Variants in NID1 observed in about 807,000 individuals in gnomAD.
NID1 encodes nidogen 1.
In NID1, 76 loss-of-function variants were observed where a neutral mutation model predicts 130.6. The ratio of observed to expected loss-of-function variants is 0.58; its 90% CI spans 0.48 to 0.70. The LOEUF is 0.70. Ranked by LOEUF, NID1 falls within the 30% of genes least tolerant of loss-of-function variation. The pLI is 0.00. For missense variants in NID1, 1,517 were observed against 1,664.8 expected, an observed-to-expected ratio of 0.91 and a Z score of 1.54; for synonymous variants, 665 against 675.1, an observed-to-expected ratio of 0.98 and a Z score of 0.23.
intron 14 of NID1, among the ~76,000 whole-genome samples, chr1:235,990,512 A>G (rs1340094373): frequency 6.6e-6 from 1 of 152,092 alleles, no homozygotes; most frequent in Non-Finnish European, 1.5e-5. Flanking sequence ...ATCAGATAAA[A>G]CCGAATGGCT....
intron 1 of NID1, among the ~76,000 whole-genome samples, chr1:236,049,303 C>T (rs1388530971): frequency 6.6e-6 from 1 of 152,032 alleles, no homozygotes; most frequent in Admixed American, 6.6e-5. Flanking sequence ...AAAGTGAGAT[C>T]CCATCTCTAC....
intron 1 of NID1, among the ~76,000 whole-genome samples, chr1:236,056,502 CTTCTT>C (rs1659901340): frequency 6.6e-6 from 1 of 152,188 alleles, no homozygotes; most frequent in Non-Finnish European, 1.5e-5. Flanking sequence ...CATTTCAAAT[CTTCTT>C]TTCTAACTAT....
At chr1:236,064,221 C>G (rs146518053) in intron 1 of NID1, among the ~76,000 whole-genome samples, 9 of 152,306 alleles carry the variant, frequency 5.9e-5, no homozygotes, top group Non-Finnish European at 1.0e-4. Flanking sequence ...TCCCGCTCCT[C>G]GTTTGGGGCC....
chr1:235,977,484 G>T lies in NID1; in HGVS notation c.*383C>A. 5.9e-6 allele frequency: 1 copy of T among 169,870 alleles called. No homozygotes were observed. The highest frequency in any genetic ancestry group is 2.4e-5 in the African/African-American group (1 of 42,094). 10.5% of individuals were successfully genotyped at this position (169,870 alleles called of 1,614,324 possible). ...GACAGGACGGTGGGTACCTCAAAGC[G>T]AGGCTGAGCTCATAAGGCCACAGGG... On this transcript the variant is annotated 3_prime_UTR_variant, in exon 20 of 20. Transcript: ENST00000264187.
At chr1:236,064,056 A>AC (rs1660120565) in intron 1 of NID1, among the ~76,000 whole-genome samples, 1 of 151,878 alleles carries the variant, frequency 6.6e-6, no homozygotes, top group Non-Finnish European at 1.5e-5. Context: ...CCCCCGGCCA[A>AC]CCCCCCACAC....
At position 236,042,123 on chromosome 1, in the gene NID1, C is replaced by T; in HGVS notation, c.922G>A (p.Val308Met). Reference sequence around the variant, plus strand: ...TTGTAGGAGAAGGGCGTGGTGCCCACATCCTCCAGGCCCAGACGAGTGGTC... The same window carrying T: ...TTGTAGGAGAAGGGCGTGGTGCCCATATCCTCCAGGCCCAGACGAGTGGTC... ...LATTRLGLEDVGTTPFSYKAL... is the reference protein window; with the variant it reads ...LATTRLGLEDMGTTPFSYKAL... The change falls in exon 4 of 20, where the codon GTG becomes ATG. Residue 308 changes from valine to methionine, a missense_variant. Coordinates refer to ENST00000264187, the MANE Select transcript of NID1 (RefSeq NM_002508.3). 1.2e-6 allele frequency: 2 copies of T among 1,614,204 alleles called. No homozygotes were observed. Among genetic ancestry groups the T allele is most frequent in the Non-Finnish European group, 1.7e-6 (2 of 1,180,038 alleles).
chr1:235,987,817 G>A (rs1187895746), intron 14 of NID1, among the ~76,000 whole-genome samples: 1 of 152,146 alleles, frequency 6.6e-6, no homozygotes, highest in East Asian at 1.9e-4. Flanking sequence ...TCAGGAGGAT[G>A]AGCACATACT....
chr1:236,031,780 C>G (rs1298767163), intron 6 of NID1, among the ~76,000 whole-genome samples: 1 of 152,192 alleles, frequency 6.6e-6, no homozygotes, highest in Non-Finnish European at 1.5e-5. Context: ...AAGGCCACCA[C>G]AACACCAAGG....
chr1:236,024,732 C>G (rs1163734568), intron 8 of NID1, among the ~76,000 whole-genome samples: 1 of 152,144 alleles, frequency 6.6e-6, no homozygotes, highest in African/African-American at 2.4e-5. Context: ...AGACCAGACT[C>G]CAATTACACA....
In NID1 at chr1:236,037,635, G is replaced by A. The variant is rs569035808; in HGVS notation, c.1285+469C>T. Among the ~76,000 whole-genome samples, 8 of 150,554 alleles carry A rather than the reference G, an allele frequency of 5.3e-5. No homozygotes were observed. In the South Asian group the frequency reaches 1.7e-3, roughly 32 times the overall value. The stretch of plus-strand genomic sequence containing the variant: ...GTCACACCACTGCACTCTAGCCTGG[G>A]TGACAGAGTAAGACTCTGTCTCAAG... On this transcript the variant is annotated intron_variant, in intron 5 of 19. Transcript: ENST00000264187.
At position 235,978,161 on chromosome 1, in the gene NID1, A is replaced by G. The variant is rs1412414684; in HGVS notation, c.3623-173T>C. Among the ~76,000 whole-genome samples, 5 of 152,292 alleles carry G rather than the reference A, an allele frequency of 3.3e-5. No individual in the cohort carries two copies. In the East Asian group the frequency reaches 9.6e-4, roughly 29 times the overall value. On this transcript the variant is annotated intron_variant, in intron 19 of 19. Coordinates refer to ENST00000264187, the MANE Select transcript of NID1 (RefSeq NM_002508.3). ...GCTAGGCAGTCAGCTGAGCTGATCCATTGTTTGTTTTATCAGCATTAAACC... is the reference window on the plus strand; with the variant it reads ...GCTAGGCAGTCAGCTGAGCTGATCCGTTGTTTGTTTTATCAGCATTAAACC...
At chr1:235,980,411 T>A in intron 17 of NID1, 85 bp downstream of exon 17, 2 of 1,408,384 alleles carry the variant, frequency 1.4e-6, no homozygotes, top group Non-Finnish European at 1.9e-6. Flanking sequence ...GGTGGCTGGT[T>A]AGATTTGACC....
intron 10 of NID1, among the ~76,000 whole-genome samples, chr1:236,015,603 C>T (rs558175530): frequency 6.3e-5 from 9 of 142,368 alleles, no homozygotes; most frequent in African/African-American, 1.0e-4. Context: ...GCCAAGATCG[C>T]GCCATTGCAC....
intron 12 of NID1, among the ~76,000 whole-genome samples, chr1:236,006,988 G>C (rs1306905161): frequency 6.6e-6 from 1 of 152,126 alleles, no homozygotes; most frequent in Non-Finnish European, 1.5e-5. Context: ...GTGAGAGAGG[G>C]ATGCAGGGTT....
chr1:236,050,324 C>T (rs879686932), intron 1 of NID1, among the ~76,000 whole-genome samples: 10 of 151,772 alleles, frequency 6.6e-5, no homozygotes, highest in East Asian at 2.0e-4. Flanking sequence ...GAGGCTGAGG[C>T]GGGTGGATCA....
intron 12 of NID1, among the ~76,000 whole-genome samples, chr1:236,000,881 A>G (rs1203674444): frequency 6.6e-6 from 1 of 152,210 alleles, no homozygotes; most frequent in Non-Finnish European, 1.5e-5. Context: ...CTCTCTGGAA[A>G]GAGACGACAT....
chr1:236,006,807 C>T (rs1366421950), intron 12 of NID1, among the ~76,000 whole-genome samples: 1 of 152,076 alleles, frequency 6.6e-6, no homozygotes, highest in Non-Finnish European at 1.5e-5. Flanking sequence ...CAACCAGGCT[C>T]ACCTTAGAGT....
rs771453409 is a variant in NID1, at chr1:235,985,426, C to G, written c.3008G>C (p.Gly1003Ala). The G allele has an allele frequency of 6.2e-7, 1 of 1,614,086 alleles. No individual in the cohort carries two copies. The highest frequency in any genetic ancestry group is 1.1e-5 in the South Asian group (1 of 91,080). The change falls in exon 15 of 20, where the codon GGG becomes GCG. Residue 1003 changes from glycine to alanine, a missense_variant. Around this residue, in one of 3 missense-constraint regions of NID1, gnomAD observed 1,329 missense variants for 1,429.2 expected, o/e 0.93. Coordinates refer to ENST00000264187, the MANE Select transcript of NID1 (RefSeq NM_002508.3). Reference protein sequence around the residue: ...YWTDITEPSIGRASLHGGEPT... With the variant: ...YWTDITEPSIARASLHGGEPT... Reference sequence around the variant, plus strand: ...CTCTCCACCATGTAGACTAGCTCTCCCAATGGAAGGCTCAGTGATGTCCGT... The same window carrying G: ...CTCTCCACCATGTAGACTAGCTCTCGCAATGGAAGGCTCAGTGATGTCCGT...
chr1:236,032,486 C>T lies in NID1; in HGVS notation c.1452G>A (p.Leu484=). The T allele has an allele frequency of 1.2e-6, 2 of 1,614,168 alleles. No individual in the cohort carries two copies. The highest frequency in any genetic ancestry group is 2.2e-5 in the East Asian group (1 of 44,888). ...STIPETVGYS[L]LPLAPVGGII... is the part of the protein sequence containing the mutation. The stretch of plus-strand genomic sequence containing the variant: ...TGCCTCCAACTGGGGCCAGTGGAAG[C>T]AGAGAATATCCAACGGTCTCGGGAA... Residue 484 remains leucine (L), a synonymous_variant, in exon 6 of 20, where the codon CTG becomes CTA. Coordinates refer to ENST00000264187, the MANE Select transcript of NID1 (RefSeq NM_002508.3).
Sources: allele counts gnomAD v4.1 joint callset (sites outside exome capture counted in the v4.1 genomes callset), GRCh38; gene constraint gnomAD v4.1.1; regional missense constraint gnomAD v4.1.1; transcripts MANE v1.5; gene names NCBI Gene and HGNC (gene_info 2026-07-23, HGNC 2026-07-21).